Variants in RAPGEF2 observed in about 807,000 individuals in gnomAD.
The protein encoded by RAPGEF2 is PDZ domain containing guanine nucleotide exchange factor (GEF) 1.
Under a neutral mutation model 186.7 loss-of-function variants are expected in RAPGEF2, and 54 were observed. The observed-to-expected ratio is 0.29, with a 90% confidence interval of 0.23 to 0.36. The LOEUF (loss-of-function observed/expected upper bound fraction) is 0.36. Ranked by LOEUF, RAPGEF2 falls within the 10% of genes least tolerant of loss-of-function variation. The probability of loss-of-function intolerance (pLI) is 1.00; values close to 1 mark genes in which losing one functional copy is unlikely to be tolerated. For missense variants in RAPGEF2, 1,532 were observed against 2,045.0 expected (o/e 0.75, Z 4.84); for synonymous variants, 712 against 705.9 (o/e 1.01, Z -0.14).
chr4:159,182,383 CTTCTTTTTTTT>C (rs1747098330), intron 1 of RAPGEF2, among the ~76,000 whole-genome samples: 1 of 76,818 alleles, frequency 1.3e-5, no homozygotes, highest in African/African-American at 5.0e-5. Flanking sequence ...ATTTTCTTTT[CTTCTTTTTTTT>C]TTTTTTTTTT....
At chr4:159,118,034 T>G (rs1415462855) in intron 1 of RAPGEF2, among the ~76,000 whole-genome samples, 2 of 152,122 alleles carry the variant, frequency 1.3e-5, no homozygotes, top group Non-Finnish European at 2.9e-5. Context: ...CTCCTATAAT[T>G]GTGAAGATTA....
At chr4:159,214,345 A>G (rs1049421742) in intron 4 of RAPGEF2, among the ~76,000 whole-genome samples, 1 of 152,240 alleles carries the variant, frequency 6.6e-6, no homozygotes, top group Non-Finnish European at 1.5e-5. Context: ...TTTTTCCTAC[A>G]TAATATTTTC....
intron 1 of RAPGEF2, among the ~76,000 whole-genome samples, chr4:159,140,146 C>T (rs192563383): frequency 2.9e-4 from 44 of 152,262 alleles, no homozygotes; most frequent in African/African-American, 9.6e-4. Flanking sequence ...CAGATTCATT[C>T]ATTATCATGT....
intron 7 of RAPGEF2, among the ~76,000 whole-genome samples, chr4:159,245,257 G>T (rs1175724173): frequency 6.6e-6 from 1 of 152,088 alleles, no homozygotes; most frequent in Non-Finnish European, 1.5e-5. Context: ...TTCAAGGCAA[G>T]TGTATGAGGT....
At chr4:159,354,562 G>A (rs1731676794) in intron 28 of RAPGEF2, among the ~76,000 whole-genome samples, 1 of 152,230 alleles carries the variant, frequency 6.6e-6, no homozygotes, top group Non-Finnish European at 1.5e-5. Context: ...GGTGCTAATA[G>A]TGTAATGACT....
intron 7 of RAPGEF2, among the ~76,000 whole-genome samples, chr4:159,302,637 A>C (rs1489649701): frequency 1.3e-5 from 2 of 152,198 alleles, no homozygotes; most frequent in African/African-American, 4.8e-5. Context: ...CTATCTTTGA[A>C]TTGTTCCTGA....
At chr4:159,154,287 A>C (rs552172125) in intron 1 of RAPGEF2, among the ~76,000 whole-genome samples, 10 of 152,328 alleles carry the variant, frequency 6.6e-5, no homozygotes, top group African/African-American at 2.4e-4. Flanking sequence ...AAGAAAACTT[A>C]CTAGGTCGAT....
rs964213189 is a variant in RAPGEF2, at chr4:159,106,695, T to C, written c.69+2464T>C. On this transcript the variant is annotated intron_variant, in intron 1 of 29. Coordinates refer to ENST00000691494, the MANE Select transcript of RAPGEF2 (RefSeq NM_001394067.2). ...AAAAGGAAAAGAATTGGGGAACATA[T>C]GTAATTTTTTTTCCTGCTGTTCATT... is the stretch of plus-strand genomic sequence containing the variant. 3.3e-5 allele frequency among the ~76,000 whole-genome samples: 5 copies of C among 152,208 alleles called. No individual in the cohort carries two copies. The East Asian group carries it at 5.8e-4, about 18-fold the overall frequency.
At chr4:159,193,756 T>TAA (rs1184115825) in intron 3 of RAPGEF2, among the ~76,000 whole-genome samples, 1 of 152,236 alleles carries the variant, frequency 6.6e-6, no homozygotes, top group Non-Finnish European at 1.5e-5. Flanking sequence ...AGCGTATTCT[T>TAA]AAAGAATATA....
At chr4:159,342,087 C>T in intron 20 of RAPGEF2, 140 bp downstream of exon 20, 2 of 875,348 alleles carry the variant, frequency 2.3e-6, no homozygotes, top group East Asian at 5.5e-5. Flanking sequence ...TCTCTGAATC[C>T]TAACCTTAAT....
chr4:159,185,050 T>C (rs1183784415), intron 1 of RAPGEF2, among the ~76,000 whole-genome samples: 2 of 152,166 alleles, frequency 1.3e-5, no homozygotes, highest in South Asian at 2.1e-4. Flanking sequence ...CAAGAAGTTA[T>C]ATAAGTGGAC....
chr4:159,302,516 A>G (rs1232249497), intron 7 of RAPGEF2, among the ~76,000 whole-genome samples: 4 of 152,208 alleles, frequency 2.6e-5, no homozygotes, highest in Middle Eastern at 3.4e-3. Flanking sequence ...ATTAAATGGA[A>G]GTGTAGCTAA....
intron 7 of RAPGEF2, among the ~76,000 whole-genome samples, chr4:159,294,389 C>A (rs1761639479): frequency 6.6e-6 from 1 of 152,166 alleles, no homozygotes. Flanking sequence ...TCTGATCGTA[C>A]CAGCAGCTGC....
chr4:159,262,825 A>G (rs1757025790), intron 7 of RAPGEF2, among the ~76,000 whole-genome samples: 2 of 134,526 alleles, frequency 1.5e-5, no homozygotes, highest in South Asian at 4.3e-4. Context: ...GCCGTCAGAA[A>G]CTTTTTTTTT....
intron 7 of RAPGEF2, among the ~76,000 whole-genome samples, chr4:159,300,298 G>A (rs1335142503): frequency 6.6e-6 from 1 of 151,686 alleles, no homozygotes; most frequent in Non-Finnish European, 1.5e-5. Flanking sequence ...TATATATTTA[G>A]CAGTGTTTGT....
intron 2 of RAPGEF2, among the ~76,000 whole-genome samples, chr4:159,189,499 C>T (rs752490087): frequency 5.9e-5 from 9 of 152,080 alleles, no homozygotes; most frequent in Non-Finnish European, 1.2e-4. Context: ...GAGCAGAGAC[C>T]AAAAATCTGT....
At chr4:159,202,920 G>A (rs541880831) in intron 3 of RAPGEF2, among the ~76,000 whole-genome samples, 1 of 152,230 alleles carries the variant, frequency 6.6e-6, no homozygotes, top group African/African-American at 2.4e-5. Context: ...CAACCTTTTT[G>A]GCTGACTGGG....
At chr4:159,245,826 A>AG (rs200488162) in intron 7 of RAPGEF2, among the ~76,000 whole-genome samples, 2,794 of 152,196 alleles carry the variant, frequency 0.018, 97 homozygotes, top group African/African-American at 0.064. Context: ...GTACAGAGAA[A>AG]TATTAGACTA....
intron 7 of RAPGEF2, among the ~76,000 whole-genome samples, chr4:159,256,942 C>A (rs925611276): frequency 6.6e-6 from 1 of 151,864 alleles, no homozygotes; most frequent in African/African-American, 2.4e-5. Flanking sequence ...GGATATTAGA[C>A]CTTTGTCAGG....
Sources: gnomAD v4.1 joint callset for allele counts (sites outside exome capture counted in the v4.1 genomes callset) on GRCh38, gnomAD v4.1.1 for gene constraint, MANE v1.5 for transcripts, NCBI Gene and HGNC (gene_info 2026-07-23, HGNC 2026-07-21) for gene names.